The following SPINK1 variants were observed in gnomAD, a reference collection of about 807,000 sequenced individuals.
SPINK1 encodes serine protease inhibitor Kazal-type 1.
Under a neutral mutation model 9.5 loss-of-function variants are expected in SPINK1, and 5 were observed. The ratio of observed to expected loss-of-function variants is 0.52; its 90% CI spans 0.27 to 1.10. SPINK1 has a LOEUF of 1.10. Ranked by LOEUF, SPINK1 falls within the 50% of genes least tolerant of loss-of-function variation. The probability of loss-of-function intolerance (pLI) is 0.11; values close to 1 mark genes in which losing one functional copy is unlikely to be tolerated. For synonymous variants in SPINK1, 37 were observed against 32.3 expected, an observed-to-expected ratio of 1.14 and a Z score of -0.49; for missense variants, 88 against 92.7, an observed-to-expected ratio of 0.95 and a Z score of 0.21.
intron 3 of SPINK1, 66 bp downstream of exon 3, chr5:147,827,956 A>T: frequency 8.1e-7 from 1 of 1,235,024 alleles, no homozygotes; most frequent in South Asian, 1.3e-5. Context: ...GATTCATATT[A>T]TCAGTACACT....
At chr5:147,835,505 C>T (rs1265017225), upstream of SPINK1, among the ~76,000 whole-genome samples, 6 of 152,070 alleles carry the variant, frequency 3.9e-5, no homozygotes, top group Admixed American at 3.9e-4. Context: ...TTACATTGCT[C>T]AACCTTGTGT....
upstream of SPINK1, among the ~76,000 whole-genome samples, chr5:147,835,544 C>A (rs1756581948): frequency 6.6e-6 from 1 of 152,150 alleles, no homozygotes; most frequent in African/African-American, 2.4e-5. Context: ...CTTTACTGCT[C>A]TGAGTACATA....
the SPINK1 span, among the ~76,000 whole-genome samples, chr5:147,836,690 T>C: frequency 1.3e-5 from 2 of 152,266 alleles, no homozygotes; most frequent in Non-Finnish European, 1.5e-5. Context: ...TTTAAAAACA[T>C]GTCAGACTTT....
chr5:147,832,618 A>T (rs188077110), upstream of SPINK1, among the ~76,000 whole-genome samples: 32 of 152,236 alleles, frequency 2.1e-4, no homozygotes, highest in East Asian at 6.2e-3. Context: ...CCTTTAACAC[A>T]CTGTACTTTC....
At chr5:147,835,950 C>T (rs370313535), upstream of SPINK1, among the ~76,000 whole-genome samples, 9 of 152,104 alleles carry the variant, frequency 5.9e-5, no homozygotes, top group Admixed American at 6.6e-5. Flanking sequence ...AAATAGGTTG[C>T]ATGTGTACCT....
At chr5:147,824,956 C>T (rs917185027) in intron 3 of SPINK1, among the ~76,000 whole-genome samples, 3 of 152,206 alleles carry the variant, frequency 2.0e-5, no homozygotes, top group Admixed American at 6.5e-5. Flanking sequence ...ACAGTTTTTA[C>T]AGATCTCGTG....
chr5:147,831,350 G>A (rs1756504479), intron 1 of SPINK1, among the ~76,000 whole-genome samples, 173 bp downstream of exon 1: 1 of 152,046 alleles, frequency 6.6e-6, no homozygotes, highest in Non-Finnish European at 1.5e-5. Context: ...CCTTATAGTA[G>A]GTTAAAAATT....
In SPINK1 at chr5:147,828,033, A is replaced by G. The variant is rs1756440730; in HGVS notation, c.183T>C (p.Cys61=). ...GNTYPNECVL[C]FENRKRQTSI... ...AAGTTTGTACTCACCGATTTTCAAA[A>G]CATAACACGCATTCATTGGGATAAG... Residue 61 remains cysteine (C), a synonymous_variant, in exon 3 of 4, where the codon TGT becomes TGC. Transcript: ENST00000296695. 6.2e-7 allele frequency: 1 copy of G among 1,612,718 alleles called. No homozygotes were observed. Among genetic ancestry groups the G allele is most frequent in the African/African-American group, 1.3e-5 (1 of 74,908 alleles).
In SPINK1 at chr5:147,828,895, A is replaced by AT. The variant is rs34409032; in HGVS notation, c.87+703dup. Among the ~76,000 whole-genome samples, 778 of 146,196 alleles carry AT rather than the reference A, an allele frequency of 5.3e-3. 3 individuals carry two copies. Among genetic ancestry groups the AT allele is most frequent in the African/African-American group, 0.012 (465 of 40,004 alleles). On this transcript the variant is annotated intron_variant, in intron 2 of 3. Coordinates refer to ENST00000296695, the MANE Select transcript of SPINK1 (RefSeq NM_001379610.1). ...CACCAGTTTTGTTTTACTAACACTC[A>AT]TTTTTTTTTTTTGGCTCAAAATAAC... is the stretch of plus-strand genomic sequence containing the variant.
chr5:147,829,669 G>A, intron 1 of SPINK1, 39 bp from the exon 2 acceptor site: 1 of 1,583,700 alleles, frequency 6.3e-7, no homozygotes, highest in Admixed American at 1.7e-5. Flanking sequence ...GGTCCTAAAT[G>A]AAAGAAGTCA....
the SPINK1 span, among the ~76,000 whole-genome samples, chr5:147,837,669 C>CTTTCTTT: frequency 7.2e-6 from 1 of 138,882 alleles, no homozygotes; most frequent in African/African-American, 2.7e-5. Context: ...TTCTTTCTTT[C>CTTTCTTT]TTTCTTTCTT....
chr5:147,830,074 C>G (rs1355166185), intron 1 of SPINK1, among the ~76,000 whole-genome samples: 1 of 152,188 alleles, frequency 6.6e-6, no homozygotes, highest in African/African-American at 2.4e-5. Context: ...TTATAACTAG[C>G]TGTGAAACAG....
chr5:147,833,979 T>C (rs1756553171), upstream of SPINK1, among the ~76,000 whole-genome samples: 1 of 152,112 alleles, frequency 6.6e-6, no homozygotes. Context: ...CCTTCTAAGG[T>C]TAAAAGGTTA....
chr5:147,837,903 T>A, the SPINK1 span, among the ~76,000 whole-genome samples: 1 of 151,992 alleles, frequency 6.6e-6, no homozygotes, highest in African/African-American at 2.4e-5. Flanking sequence ...GGTTTCACCA[T>A]GTTGGCCAGG....
intron 1 of SPINK1, among the ~76,000 whole-genome samples, chr5:147,829,836 G>A (rs1756478327): frequency 1.3e-5 from 2 of 152,144 alleles, no homozygotes; most frequent in Admixed American, 1.3e-4. Flanking sequence ...AAAAGTTTGA[G>A]TAAAACTTTG....
intron 3 of SPINK1, among the ~76,000 whole-genome samples, chr5:147,825,391 G>A (rs147737802): frequency 6.1e-4 from 92 of 150,592 alleles, no homozygotes; most frequent in Non-Finnish European, 9.5e-4. Flanking sequence ...ATTACTGAAG[G>A]ACATCTGACT....
intron 2 of SPINK1, among the ~76,000 whole-genome samples, chr5:147,828,935 G>A (rs184111323): frequency 1.9e-3 from 281 of 150,814 alleles, no homozygotes; most frequent in Middle Eastern, 0.01. Flanking sequence ...CAGTTACTTC[G>A]GAGCACCCTC....
At chr5:147,825,194 A>G (rs917085819) in intron 3 of SPINK1, among the ~76,000 whole-genome samples, 2 of 152,120 alleles carry the variant, frequency 1.3e-5, no homozygotes, top group African/African-American at 4.8e-5. Flanking sequence ...AGTTCTAAAC[A>G]TCCTCCCCTC....
chr5:147,827,951 A>C (rs1394234967), intron 3 of SPINK1, 71 bp downstream of exon 3: 14 of 1,192,506 alleles, frequency 1.2e-5, no homozygotes, highest in Non-Finnish European at 1.6e-5. Context: ...GGTGAGATTC[A>C]TATTATCAGT....
Sources: allele counts gnomAD v4.1 joint callset (sites outside exome capture counted in the v4.1 genomes callset), GRCh38; gene constraint gnomAD v4.1.1; transcripts MANE v1.5; gene names NCBI Gene and HGNC (gene_info 2026-07-23, HGNC 2026-07-21).